The following CDH6 variants were observed in gnomAD, a reference collection of about 807,000 sequenced individuals.
CDH6 encodes cadherin 6, also known as cadherin-6.
A neutral mutation model predicts 78.0 loss-of-function variants in CDH6; 31 were observed. The ratio of observed to expected loss-of-function variants is 0.40; its 90% CI spans 0.30 to 0.54. CDH6 has a LOEUF of 0.54. Ranked by LOEUF, CDH6 falls within the 20% of genes least tolerant of loss-of-function variation. The pLI, the probability that CDH6 is intolerant of heterozygous loss-of-function variation, is 0.56. For missense variants in CDH6, 724 were observed against 975.9 expected (o/e 0.74, Z 3.44); for synonymous variants, 376 against 368.8 (o/e 1.02, Z -0.23).
intron 2 of CDH6, among the ~76,000 whole-genome samples, chr5:31,282,732 GGTATTGAGT>G (rs1489372652): frequency 6.6e-6 from 1 of 152,106 alleles, no homozygotes; most frequent in Non-Finnish European, 1.5e-5. Context: ...TGAAATTCAA[GGTATTGAGT>G]GTAAAAAATA....
chr5:31,260,087 C>T (rs759797919), intron 1 of CDH6, among the ~76,000 whole-genome samples: 57 of 152,200 alleles, frequency 3.7e-4, no homozygotes, highest in Non-Finnish European at 7.6e-4. Flanking sequence ...GCACAAGAGG[C>T]AAAGTGTGGC....
At position 31,317,875 on chromosome 5, in the gene CDH6, G is replaced by A; in HGVS notation, c.1833G>A (p.Leu611=). The A allele has an allele frequency of 1.2e-6, 2 of 1,614,036 alleles. No homozygotes were observed. Residue 611 remains leucine (L), a synonymous_variant, in exon 11 of 12, where the codon CTG becomes CTA. Transcript: ENST00000265071. ...AGGCGCTCATCCACCCCACGGGACT[G>A]AGCACGGGGGCTCTGGTTGCCATCC... ...HAEALIHPTG[L]STGALVAILL...
chr5:31,312,232 C>T (rs1280682182), intron 7 of CDH6, among the ~76,000 whole-genome samples: 1 of 152,204 alleles, frequency 6.6e-6, no homozygotes, highest in East Asian at 1.9e-4. Flanking sequence ...TCTTCCTGAA[C>T]TTTTCTCAGG....
intron 2 of CDH6, among the ~76,000 whole-genome samples, chr5:31,290,912 T>C (rs1743139510): frequency 6.6e-6 from 1 of 152,236 alleles, no homozygotes; most frequent in Non-Finnish European, 1.5e-5. Context: ...AAAGCAACCC[T>C]TGCTCACACT....
rs80156858 is a variant in CDH6 at position 31,293,184 on chromosome 5, G to T, written c.229-778G>T. ...GGAGCAGGGAACTCACCACTCATAAGACAGACTATTTCAATTTTAGGTTGG... is the reference window on the plus strand; with the variant it reads ...GGAGCAGGGAACTCACCACTCATAATACAGACTATTTCAATTTTAGGTTGG... On this transcript the variant is annotated intron_variant, in intron 2 of 11. Coordinates refer to ENST00000265071, the MANE Select transcript of CDH6 (RefSeq NM_004932.4). Among the ~76,000 whole-genome samples, 471 of 152,026 alleles carry T rather than the reference G, an allele frequency of 3.1e-3. 11 individuals carry two copies. The South Asian group carries it at 0.046, about 15-fold the overall frequency.
In CDH6 at chr5:31,297,313, C is replaced by T; in HGVS notation, c.548C>T (p.Ala183Val). 6.2e-7 allele frequency: 1 copy of T among 1,609,940 alleles called. No individual in the cohort carries two copies. The highest frequency in any genetic ancestry group is 2.2e-5 in the East Asian group (1 of 44,826). ...DVGTFVVQVT[A>V]TDADDPTYGN... The stretch of plus-strand genomic sequence containing the variant: ...GGTACATTTGTTGTCCAAGTCACTG[C>T]GACGGATGCAGATGATCCAACATAT... Residue 183 changes from alanine to valine, a missense_variant, in exon 4 of 12, where the codon GCG (alanine) becomes GTG (valine). Coordinates refer to ENST00000265071, the MANE Select transcript of CDH6 (RefSeq NM_004932.4).
chr5:31,287,866 C>A (rs1317248479), intron 2 of CDH6, among the ~76,000 whole-genome samples: 1 of 152,234 alleles, frequency 6.6e-6, no homozygotes, highest in Non-Finnish European at 1.5e-5. Flanking sequence ...GAACCACCGA[C>A]TTAGGGTCAA....
intron 1 of CDH6, among the ~76,000 whole-genome samples, chr5:31,254,717 A>G (rs879718000): frequency 2.6e-5 from 4 of 152,224 alleles, no homozygotes; most frequent in Admixed American, 1.3e-4. Context: ...CGATGTGCGC[A>G]TTTTATTTCT....
chr5:31,199,685 G>GTATGTATA (rs1554035033), intron 1 of CDH6, among the ~76,000 whole-genome samples: 1 of 79,852 alleles, frequency 1.3e-5, no homozygotes, highest in Non-Finnish European at 2.4e-5. Flanking sequence ...GTGTGTGTGT[G>GTATGTATA]TATATATATA....
intron 2 of CDH6, among the ~76,000 whole-genome samples, chr5:31,293,523 G>C (rs2149947267): frequency 6.6e-6 from 1 of 152,224 alleles, no homozygotes; most frequent in East Asian, 1.9e-4. Flanking sequence ...AAAAATCAAA[G>C]TCCTTTTCTA....
At chr5:31,244,662 G>A (rs1741693694) in intron 1 of CDH6, among the ~76,000 whole-genome samples, 1 of 152,132 alleles carries the variant, frequency 6.6e-6, no homozygotes, top group African/African-American at 2.4e-5. Flanking sequence ...CCAGATGTGG[G>A]CCACTTGGGA....
chr5:31,315,985 G>A (rs187929091), intron 8 of CDH6, among the ~76,000 whole-genome samples: 249 of 152,244 alleles, frequency 1.6e-3, no homozygotes, highest in South Asian at 2.9e-3. Flanking sequence ...ATCAACACAA[G>A]TGGCTTTGTC....
intron 1 of CDH6, among the ~76,000 whole-genome samples, chr5:31,221,458 T>C (rs1741002033): frequency 6.6e-6 from 1 of 152,218 alleles, no homozygotes; most frequent in Non-Finnish European, 1.5e-5. Flanking sequence ...AGAGAAATCA[T>C]TCTCTAGAAT....
chr5:31,267,267 C>T (rs1742388153), intron 1 of CDH6, 79 bp from the exon 2 acceptor site: 2 of 515,516 alleles, frequency 3.9e-6, no homozygotes. Context: ...TTTCTGTCCT[C>T]TTTTTTCCCA....
At chr5:31,317,316 G>A (rs1292861324) in intron 9 of CDH6, 59 bp from the exon 10 acceptor site, 13 of 806,932 alleles carry the variant, frequency 1.6e-5, no homozygotes, top group Non-Finnish European at 2.5e-5. Flanking sequence ...ATTGCAAAAC[G>A]GTAAGAAACA....
chr5:31,263,496 T>A (rs1238220789), intron 1 of CDH6, among the ~76,000 whole-genome samples: 1 of 146,464 alleles, frequency 6.8e-6, no homozygotes, highest in Non-Finnish European at 1.5e-5. Context: ...TTAGCCAGGC[T>A]GGTCTCCAAC....
At chr5:31,292,381 A>G (rs1737396524) in intron 2 of CDH6, among the ~76,000 whole-genome samples, 1 of 152,190 alleles carries the variant, frequency 6.6e-6, no homozygotes, top group South Asian at 2.1e-4. Context: ...TCTTTCCCTC[A>G]GCACTTCCTG....
At position 31,327,820 on chromosome 5, in the gene CDH6, T is replaced by C. The variant is rs1359225149; in HGVS notation, c.*4512T>C. On this transcript the variant is annotated 3_prime_UTR_variant, in exon 12 of 12. Transcript: ENST00000265071. Reference sequence around the variant, plus strand: ...CGACCATATTTAATGTGGAGAGCAATACCCTCTTAGAAAGAAAATACATTG... The same window carrying C: ...CGACCATATTTAATGTGGAGAGCAACACCCTCTTAGAAAGAAAATACATTG... The C allele has an allele frequency of 1.4e-5, 3 of 213,416 alleles. No individual in the cohort carries two copies. The highest frequency in any genetic ancestry group is 2.8e-5 in the Non-Finnish European group (3 of 105,658). The allele number at this position is 213,416 out of a possible 1,614,324, so 13.2% of individuals were successfully genotyped here. A position where few individuals can be genotyped will look rare whatever the true frequency, so the allele number is the denominator to read the frequency against.
rs1179712059 is a variant in CDH6 at position 31,290,910 on chromosome 5, C to T, written c.229-3052C>T. Among the ~76,000 whole-genome samples, 4 of 152,162 alleles carry T rather than the reference C, an allele frequency of 2.6e-5. No homozygotes were observed. In the East Asian group the frequency reaches 5.8e-4, roughly 22 times the overall value. On this transcript the variant is annotated intron_variant, in intron 2 of 11. Transcript: ENST00000265071. The stretch of plus-strand genomic sequence containing the variant: ...TCAGAATTGTGATCTGCAAAGCAAC[C>T]CTTGCTCACACTCTTCTCACTCTTC...
Sources: gnomAD v4.1 joint callset for allele counts (sites outside exome capture counted in the v4.1 genomes callset) on GRCh38, gnomAD v4.1.1 for gene constraint, MANE v1.5 for transcripts, NCBI Gene and HGNC (gene_info 2026-07-23, HGNC 2026-07-21) for gene names.